SLC4A10: variants seen among roughly 807,000 people sequenced by gnomAD.
SLC4A10 encodes solute carrier family 4 member 10.
Under a neutral mutation model 137.7 loss-of-function variants are expected in SLC4A10, and 42 were observed. The observed-to-expected ratio is 0.30, with a 90% CI of 0.24 to 0.39. The LOEUF is 0.39. Among genes scored for constraint, SLC4A10 ranks in the 10% least tolerant of loss-of-function variants. SLC4A10 has a pLI of 1.00. For missense variants in SLC4A10, 925 were observed against 1,355.0 expected (o/e 0.68, Z 4.98); for synonymous variants, 474 against 464.1 (o/e 1.02, Z -0.27).
intron 3 of SLC4A10, among the ~76,000 whole-genome samples, chr2:161,839,542 T>C (rs1171885615): frequency 6.6e-6 from 1 of 152,004 alleles, no homozygotes; most frequent in Non-Finnish European, 1.5e-5. Context: ...TATTATTTAT[T>C]ATATGTATAC....
rs1310978969 is a variant in SLC4A10, at chr2:161,854,452, A to C, written c.417-518A>C. 2.0e-5 allele frequency among the ~76,000 whole-genome samples: 3 copies of C among 152,236 alleles called. No individual in the cohort carries two copies. The South Asian group carries it at 6.2e-4, about 32-fold the overall frequency. ...CAGTCCCTAGGAAGTGACTGCTATC[A>C]CTAGCTTTCATCCAAGCAAGCCTAA... On this transcript the variant is annotated intron_variant, in intron 4 of 26. Coordinates refer to ENST00000446997, the MANE Select transcript of SLC4A10 (RefSeq NM_001178015.2).
In SLC4A10 at chr2:161,855,003, A is replaced by G. The variant is rs2060024454; in HGVS notation, c.450A>G (p.Gly150=). 5.0e-6 allele frequency: 8 copies of G among 1,612,762 alleles called. No individual in the cohort carries two copies. The highest frequency in any genetic ancestry group is 6.8e-6 in the Non-Finnish European group (8 of 1,179,322). ...WLKFEEDVED[G]GERWSKPYVA... ...AGTTTGAAGAAGATGTGGAAGATGG[A>G]GGAGAAAGGTGGAGCAAGCCTTATG... Residue 150 remains glycine, a synonymous_variant, in exon 5 of 27, where the codon GGA becomes GGG. Transcript: ENST00000446997.
chr2:161,660,747 G>A (rs774630801), intron 1 of SLC4A10, among the ~76,000 whole-genome samples: 1 of 150,576 alleles, frequency 6.6e-6, no homozygotes, highest in African/African-American at 2.4e-5. Flanking sequence ...TCTGCCTCAC[G>A]GGTTCAAGCA....
chr2:161,803,233 A>G (rs2055556863), intron 2 of SLC4A10, among the ~76,000 whole-genome samples: 3 of 152,144 alleles, frequency 2.0e-5, no homozygotes, highest in Admixed American at 2.0e-4. Flanking sequence ...TTTTAAGTTT[A>G]TAAAAATACT....
chr2:161,682,090 T>A (rs1280990647), intron 1 of SLC4A10, among the ~76,000 whole-genome samples: 3 of 152,168 alleles, frequency 2.0e-5, no homozygotes, highest in African/African-American at 7.2e-5. Flanking sequence ...ATTTTCCAAA[T>A]ATGGCAGTCC....
At chr2:161,960,234 G>A (rs1046354382) in intron 21 of SLC4A10, among the ~76,000 whole-genome samples, 2 of 151,606 alleles carry the variant, frequency 1.3e-5, no homozygotes, top group African/African-American at 4.8e-5. Context: ...CATGGTGGTG[G>A]GCGCCTGTAG....
intron 21 of SLC4A10, among the ~76,000 whole-genome samples, chr2:161,962,349 C>A (rs975916680): frequency 6.6e-6 from 1 of 152,124 alleles, no homozygotes; most frequent in Non-Finnish European, 1.5e-5. Context: ...CACCCACACA[C>A]TGAAGTACAC....
chr2:161,794,199 A>G (rs1169045238), intron 2 of SLC4A10, among the ~76,000 whole-genome samples: 1 of 151,918 alleles, frequency 6.6e-6, no homozygotes, highest in African/African-American at 2.4e-5. Flanking sequence ...AGCCTTTTTG[A>G]ATTCACAAAA....
At chr2:161,864,826 T>C (rs770982893) in intron 6 of SLC4A10, among the ~76,000 whole-genome samples, 9 of 152,156 alleles carry the variant, frequency 5.9e-5, no homozygotes, top group Non-Finnish European at 8.8e-5. Flanking sequence ...TTCTAAGAGA[T>C]GTATTACAAA....
chr2:161,863,155 A>G, intron 6 of SLC4A10, 93 bp downstream of exon 6: 2 of 1,194,758 alleles, frequency 1.7e-6, no homozygotes, highest in South Asian at 2.1e-5. Flanking sequence ...TTTATTTGAA[A>G]ATGATTTTTT....
At chr2:161,882,474 T>C in intron 10 of SLC4A10, 30 bp downstream of exon 10, 2 of 1,482,866 alleles carry the variant, frequency 1.3e-6, no homozygotes, top group Non-Finnish European at 1.8e-6. Flanking sequence ...GGGAACATTT[T>C]CCCCCATTAG....
intron 9 of SLC4A10, among the ~76,000 whole-genome samples, chr2:161,880,017 G>A (rs1575422014): frequency 6.6e-6 from 1 of 151,970 alleles, no homozygotes; most frequent in African/African-American, 2.4e-5. Context: ...AAAAAAGAAA[G>A]GAAACACAGA....
chr2:161,705,854 G>A (rs1243728381), intron 1 of SLC4A10, among the ~76,000 whole-genome samples: 1 of 151,408 alleles, frequency 6.6e-6, no homozygotes, highest in Admixed American at 6.6e-5. Flanking sequence ...GTTCTGCTAG[G>A]TTTTGGCTAC....
At chr2:161,756,558 A>G (rs138569598) in intron 1 of SLC4A10, among the ~76,000 whole-genome samples, 229 of 152,306 alleles carry the variant, frequency 1.5e-3, no homozygotes, top group Non-Finnish European at 2.6e-3. Context: ...TCACTCAGAA[A>G]TCCAGGGTTA....
At chr2:161,715,796 G>C (rs1426766305) in intron 1 of SLC4A10, among the ~76,000 whole-genome samples, 3 of 152,020 alleles carry the variant, frequency 2.0e-5, no homozygotes, top group African/African-American at 7.2e-5. Flanking sequence ...GTGCTGCAAT[G>C]AATATACGCA....
chr2:161,711,723 G>C (rs75805783), intron 1 of SLC4A10, among the ~76,000 whole-genome samples: 2,752 of 151,846 alleles, frequency 0.018, 130 homozygotes, highest in East Asian at 0.13. Context: ...GCTGGCTGCA[G>C]TAAGAGGCTT....
intron 3 of SLC4A10, among the ~76,000 whole-genome samples, chr2:161,812,253 A>G (rs1052238216): frequency 6.6e-6 from 1 of 152,100 alleles, no homozygotes; most frequent in African/African-American, 2.4e-5. Context: ...TTTTCCACCT[A>G]GGGAACATTT....
intron 1 of SLC4A10, among the ~76,000 whole-genome samples, chr2:161,727,159 G>C (rs1210353685): frequency 6.6e-6 from 1 of 152,204 alleles, no homozygotes; most frequent in East Asian, 1.9e-4. Flanking sequence ...CAGTGAGAAA[G>C]CTGCAATATC....
chr2:161,981,976 G>C (rs541695461), intron 26 of SLC4A10, among the ~76,000 whole-genome samples: 24 of 152,204 alleles, frequency 1.6e-4, no homozygotes, highest in African/African-American at 5.3e-4. Context: ...TGAATTGGAG[G>C]AAAAACAATT....
Sources: gnomAD v4.1 joint callset for allele counts (sites outside exome capture counted in the v4.1 genomes callset) on GRCh38, gnomAD v4.1.1 for gene constraint, MANE v1.5 for transcripts, NCBI Gene and HGNC (gene_info 2026-07-23, HGNC 2026-07-21) for gene names.